OR51T1: variants seen among roughly 807,000 people sequenced by gnomAD.
The protein encoded by OR51T1 is olfactory receptor family 51 subfamily T member 1.
For missense variants in OR51T1, 439 were observed against 398.5 expected, an observed-to-expected ratio of 1.10 and a Z score of -0.87; for synonymous variants, 188 against 152.6, an observed-to-expected ratio of 1.23 and a Z score of -1.71.
Position 4,882,826 on chromosome 11 carries a change from C to T in OR51T1, c.927C>T (p.Leu309=). 3 of 1,613,762 alleles carry T rather than the reference C, an allele frequency of 1.9e-6. No individual in the cohort carries two copies. Among genetic ancestry groups the T allele is most frequent in the Non-Finnish European group, 2.5e-6 (3 of 1,179,858 alleles). ...KTIRQAMFQL[L]QSKGSWGFNV... ...TCCGCCAGGCTATGTTCCAGCTGCT[C>T]CAATCCAAGGGTTCATGGGGTTTTA... Residue 309 remains leucine (L), a synonymous_variant, in exon 1 of 1, where the codon CTC becomes CTT. Transcript: ENST00000322049.
rs762186672 is a variant in OR51T1 at position 4,882,722 on chromosome 11, T to C, written c.823T>C (p.Cys275Arg). The change falls in exon 1 of 1, where the codon TGT becomes CGT. Residue 275 changes from cysteine (C) to arginine (R), a missense_variant. Physicochemically the swap from Cys to Arg is radical, Grantham distance 180. Coordinates refer to ENST00000322049, the MANE Select transcript of OR51T1 (RefSeq NM_001004759.3). ...CTTCCACTCCACCCCAAGGGTGCTC[T>C]GTAGCACTTTGGCCAATATTTATCT... ...RLFHSTPRVL[C>R]STLANIYLLL... 2.2e-5 allele frequency: 36 copies of C among 1,613,864 alleles called. No individual in the cohort carries two copies. The highest frequency in any genetic ancestry group is 5.0e-5 in the Admixed American group (3 of 59,972).
rs1564799854 is a variant in OR51T1 at position 4,882,562 on chromosome 11, C to T, written c.663C>T (p.Val221=). 2 of 1,613,778 alleles carry T rather than the reference C, an allele frequency of 1.2e-6. No homozygotes were observed. Among genetic ancestry groups the T allele is most frequent in the Non-Finnish European group, 1.7e-6 (2 of 1,179,940 alleles). ...TDVLFILFSY[V]LILRTVLGIV... Reference sequence around the variant, plus strand: ...TATTGTTTATTCTTTTCTCCTATGTCCTGATCCTCCGTACTGTTCTGGGCA... The same window carrying T: ...TATTGTTTATTCTTTTCTCCTATGTTCTGATCCTCCGTACTGTTCTGGGCA... Residue 221 remains valine, a synonymous_variant, in exon 1 of 1, where the codon GTC becomes GTT. Coordinates refer to ENST00000322049, the MANE Select transcript of OR51T1 (RefSeq NM_001004759.3).
rs534018343 is a variant in OR51T1 at position 4,882,748 on chromosome 11, G to A, written c.849G>A (p.Leu283=). Residue 283 remains leucine (L), a synonymous_variant, in exon 1 of 1, where the codon CTG becomes CTA. Coordinates refer to ENST00000322049, the MANE Select transcript of OR51T1 (RefSeq NM_001004759.3). ...GTAGCACTTTGGCCAATATTTATCT[G>A]CTCTTACCACCTGTGCTGAACCCTA... ...VLCSTLANIY[L]LLPPVLNPII... The A allele has an allele frequency of 3.7e-6, 6 of 1,613,874 alleles. No individual in the cohort carries two copies. The highest frequency in any genetic ancestry group is 2.2e-5 in the East Asian group (1 of 44,846).
In OR51T1 at chr11:4,882,358, A is replaced by G. The variant is rs1453058007; in HGVS notation, c.459A>G (p.Arg153=). 6.2e-7 allele frequency: 1 copy of G among 1,613,904 alleles called. No homozygotes were observed. Among genetic ancestry groups the G allele is most frequent in the East Asian group, 2.2e-5 (1 of 44,848 alleles). Residue 153 remains arginine (R), a synonymous_variant, in exon 1 of 1, where the codon AGA becomes AGG. Transcript: ENST00000322049. ...TGATAGGGCTGGTCATCTGCATTAG[A>G]CCAGCAGTTTTCTTACTTCCCCTTC... ...VLVIGLVICI[R]PAVFLLPLLV...
chr11:4,882,318 A>T lies in OR51T1; in HGVS notation c.419A>T (p.Asp140Val), dbSNP rs766066905. Residue 140 changes from aspartate to valine, a missense_variant, in exon 1 of 1, where the codon GAC (aspartate) becomes GTC (valine). Coordinates refer to ENST00000322049, the MANE Select transcript of OR51T1 (RefSeq NM_001004759.3). Reference protein sequence around the residue: ...NPLNYATILTDRMVLVIGLVI... With the variant: ...NPLNYATILTVRMVLVIGLVI... ...CTGAACTATGCTACTATCCTCACAG[A>T]CAGGATGGTCCTGGTGATAGGGCTG... 6.2e-7 allele frequency: 1 copy of T among 1,613,892 alleles called. No homozygotes were observed. The highest frequency in any genetic ancestry group is 1.1e-5 in the South Asian group (1 of 91,064).
Position 4,882,546 on chromosome 11 carries a change from T to C in OR51T1, c.647T>C (p.Ile216Thr), listed in dbSNP as rs1421049317. The C allele has an allele frequency of 6.2e-7, 1 of 1,613,966 alleles. No individual in the cohort carries two copies. The highest frequency in any genetic ancestry group is 8.5e-7 in the Non-Finnish European group (1 of 1,179,944). Reference protein sequence around the residue: ...LYLNGTDVLFILFSYVLILRT... With the variant: ...LYLNGTDVLFTLFSYVLILRT... ...CTGAATGGCACTGACGTATTGTTTA[T>C]TCTTTTCTCCTATGTCCTGATCCTC... The change falls in exon 1 of 1, where the codon ATT becomes ACT. Residue 216 changes from isoleucine (I) to threonine (T), a missense_variant. Transcript: ENST00000322049.
Position 4,882,373 on chromosome 11 carries a change from A to C in OR51T1, c.474A>C (p.Leu158Phe), listed in dbSNP as rs1589928387. 6.2e-7 allele frequency: 1 copy of C among 1,613,690 alleles called. No individual in the cohort carries two copies. Among genetic ancestry groups the C allele is most frequent in the South Asian group, 1.1e-5 (1 of 91,058 alleles). Residue 158 changes from leucine to phenylalanine, a missense_variant, in exon 1 of 1, where the codon TTA becomes TTC. Transcript: ENST00000322049. Reference sequence around the variant, plus strand: ...TCTGCATTAGACCAGCAGTTTTCTTACTTCCCCTTCTTGTAGCCATAAACA... The same window carrying C: ...TCTGCATTAGACCAGCAGTTTTCTTCCTTCCCCTTCTTGTAGCCATAAACA... The part of the protein sequence containing the change: ...LVICIRPAVF[L>F]LPLLVAINTV...
rs374594879 is a variant in OR51T1 at position 4,882,860 on chromosome 11, G to T, written c.961G>T (p.Gly321Cys). The T allele has an allele frequency of 6.2e-6, 10 of 1,612,736 alleles. No individual in the cohort carries two copies. In the Admixed American group the frequency reaches 1.5e-4, roughly 24 times the overall value. ...SKGSWGFNVR[G>C]LRGRWD The stretch of plus-strand genomic sequence containing the variant: ...GGGTTCATGGGGTTTTAATGTGAGG[G>T]GTCTTAGGGGAAGATGGGATTGAAG... The change falls in exon 1 of 1, where the codon GGT becomes TGT. Residue 321 changes from glycine (G) to cysteine (C), a missense_variant. Coordinates refer to ENST00000322049, the MANE Select transcript of OR51T1 (RefSeq NM_001004759.3).
In OR51T1 at chr11:4,882,298, C is replaced by T. The variant is rs768616687; in HGVS notation, c.399C>T (p.Asn133=). 6.2e-7 allele frequency: 1 copy of T among 1,614,004 alleles called. No individual in the cohort carries two copies. Residue 133 remains asparagine, a synonymous_variant, in exon 1 of 1, where the codon AAC becomes AAT. Transcript: ENST00000322049. ...TCGTGGCTATCTGTAACCCACTGAA[C>T]TATGCTACTATCCTCACAGACAGGA... The part of the protein sequence containing the change: ...DRFVAICNPL[N]YATILTDRMV...
In OR51T1 at chr11:4,882,417, G is replaced by T; in HGVS notation, c.518G>T (p.Gly173Val). The change falls in exon 1 of 1, where the codon GGT becomes GTT. Residue 173 changes from glycine (G) to valine (V), a missense_variant. Transcript: ENST00000322049. ...ATAAACACTGTGTCTTTTCATGGGG[G>T]TCACGAGCTTTCCCATCCATTTTGC... The part of the protein sequence containing the change: ...VAINTVSFHG[G>V]HELSHPFCYH... The T allele has an allele frequency of 6.2e-7, 1 of 1,613,788 alleles. No individual in the cohort carries two copies. The highest frequency in any genetic ancestry group is 8.5e-7 in the Non-Finnish European group (1 of 1,179,912).
At position 4,882,443 on chromosome 11, in the gene OR51T1, T is replaced by TACCACCCC. The variant is rs564566592; in HGVS notation, c.551_552insCACCACCC (p.Glu185ThrfsTer5). The stretch of plus-strand genomic sequence containing the variant: ...TCACGAGCTTTCCCATCCATTTTGC[T>TACCACCCC]ACCACCCAGAAGTGATCAAATACAC... On this transcript the variant is annotated frameshift_variant, in exon 1 of 1. Coordinates refer to ENST00000322049, the MANE Select transcript of OR51T1 (RefSeq NM_001004759.3). LOFTEE classifies it low-confidence loss of function (END_TRUNC). The TACCACCCC allele has an allele frequency of 8.3e-3, 13,393 of 1,613,878 alleles. 77 individuals are homozygous for TACCACCCC. The highest frequency in any genetic ancestry group is 0.01 in the Non-Finnish European group (12,183 of 1,179,876).
At position 4,882,882 on chromosome 11, in the gene OR51T1, G is replaced by A. The variant is rs769106356; in HGVS notation, c.983G>A (p.Ter328=). The A allele has an allele frequency of 2.0e-5, 32 of 1,608,400 alleles. 1 individual carries two copies. The East Asian group carries it at 7.2e-4, about 36-fold the overall frequency. The change falls in exon 1 of 1, where the codon TGA becomes TAA. Residue 328 remains the stop codon, a stop_retained_variant. Transcript: ENST00000322049. ...AGGGGTCTTAGGGGAAGATGGGATT[G>A]AAGGTAGGAAATTGTCAGGACACGA... The part of the protein sequence containing the change: ...NVRGLRGRWD[*]
In OR51T1 at chr11:4,882,260, G is replaced by A; in HGVS notation, c.361G>A (p.Ala121Thr). The stretch of plus-strand genomic sequence containing the variant: ...GGAGTCCTCGGTGCTGGTAGCCATG[G>A]CCTTTGACCGCTTCGTGGCTATCTG... ...LLESSVLVAM[A>T]FDRFVAICNP... is the part of the protein sequence containing the mutation. Residue 121 changes from alanine to threonine, a missense_variant, in exon 1 of 1, where the codon GCC becomes ACC. Ala to Thr is a moderately conservative substitution (Grantham distance 58). Coordinates refer to ENST00000322049, the MANE Select transcript of OR51T1 (RefSeq NM_001004759.3). 6.2e-7 allele frequency: 1 copy of A among 1,613,858 alleles called. No homozygotes were observed. The highest frequency in any genetic ancestry group is 8.5e-7 in the Non-Finnish European group (1 of 1,179,932).
In OR51T1 at chr11:4,882,715, G is replaced by T. The variant is rs772529902; in HGVS notation, c.816G>T (p.Arg272Ser). 73 of 1,613,702 alleles carry T rather than the reference G, an allele frequency of 4.5e-5. No homozygotes were observed. The highest frequency in any genetic ancestry group is 5.8e-5 in the Non-Finnish European group (69 of 1,179,918). Residue 272 changes from arginine to serine, a missense_variant, in exon 1 of 1, where the codon AGG becomes AGT. Physicochemically the swap from Arg to Ser is moderately radical, Grantham distance 110. Coordinates refer to ENST00000322049, the MANE Select transcript of OR51T1 (RefSeq NM_001004759.3). ...ACCGCCTCTTCCACTCCACCCCAAG[G>T]GTGCTCTGTAGCACTTTGGCCAATA... ...LAHRLFHSTP[R>S]VLCSTLANIY...
rs905649476 is a variant in OR51T1, at chr11:4,882,239, T to G, written c.340T>G (p.Ser114Ala). Reference sequence around the variant, plus strand: ...TGTGCATGCTTTCTCCTTGCTGGAGTCCTCGGTGCTGGTAGCCATGGCCTT... The same window carrying G: ...TGTGCATGCTTTCTCCTTGCTGGAGGCCTCGGTGCTGGTAGCCATGGCCTT... The part of the protein sequence containing the change: ...FFVHAFSLLE[S>A]SVLVAMAFDR... The change falls in exon 1 of 1, where the codon TCC (serine) becomes GCC (alanine). Residue 114 changes from serine (S) to alanine (A), a missense_variant. Physicochemically the swap from Ser to Ala is moderately conservative, Grantham distance 99. Coordinates refer to ENST00000322049, the MANE Select transcript of OR51T1 (RefSeq NM_001004759.3). The G allele has an allele frequency of 6.2e-7, 1 of 1,613,804 alleles. No individual in the cohort carries two copies. Among genetic ancestry groups the G allele is most frequent in the Non-Finnish European group, 8.5e-7 (1 of 1,179,926 alleles).
chr11:4,882,045 T>C lies in OR51T1; in HGVS notation c.146T>C (p.Leu49Pro). The C allele has an allele frequency of 6.2e-7, 1 of 1,613,910 alleles. No individual in the cohort carries two copies. The highest frequency in any genetic ancestry group is 1.1e-5 in the South Asian group (1 of 91,060). The change falls in exon 1 of 1, where the codon CTT (leucine) becomes CCT (proline). Residue 49 changes from leucine to proline, a missense_variant. Leu to Pro is a moderately conservative substitution (Grantham distance 98, BLOSUM62 -3). Transcript: ENST00000322049. ...IALLGNSMIFLVIITKRRLHK... is the reference protein window; with the variant it reads ...IALLGNSMIFPVIITKRRLHK... The stretch of plus-strand genomic sequence containing the variant: ...CTCTTGGGAAACAGTATGATCTTTC[T>C]TGTCATCATTACTAAGCGGAGACTC...
Position 4,882,144 on chromosome 11 carries a change from C to A in OR51T1, c.245C>A (p.Thr82Asn). ...TGTCTGACCATTACGACCCTTCCCA[C>A]TGTGCTTGGTGTTCTCTGGTTTCAT... is the stretch of plus-strand genomic sequence containing the variant. The part of the protein sequence containing the change: ...DLCLTITTLP[T>N]VLGVLWFHAR... The change falls in exon 1 of 1, where the codon ACT (threonine) becomes AAT (asparagine). Residue 82 changes from threonine (T) to asparagine (N), a missense_variant. Thr to Asn is a moderately conservative substitution (Grantham distance 65). Transcript: ENST00000322049. 1 of 1,613,982 alleles carries A rather than the reference C, an allele frequency of 6.2e-7. No homozygotes were observed. Among genetic ancestry groups the A allele is most frequent in the African/African-American group, 1.3e-5 (1 of 75,040 alleles).
rs760733931 is a variant in OR51T1 at position 4,881,959 on chromosome 11, T to C, written c.60T>C (p.Pro20=). 1.2e-6 allele frequency: 2 copies of C among 1,613,892 alleles called. No individual in the cohort carries two copies. The highest frequency in any genetic ancestry group is 2.2e-5 in the South Asian group (2 of 91,064). The change falls in exon 1 of 1, where the codon CCT becomes CCC. Residue 20 remains proline (P), a synonymous_variant. Transcript: ENST00000322049. ...SSSNFLLTAF[P]GLECAHVWIS... is the part of the protein sequence containing the mutation. ...CAAACTTCCTCCTCACTGCATTCCC[T>C]GGGCTGGAATGTGCTCATGTCTGGA... is the stretch of plus-strand genomic sequence containing the variant.
Position 4,882,404 on chromosome 11 carries a change from T to C in OR51T1, c.505T>C (p.Ser169Pro). ...LPLLVAINTV[S>P]FHGGHELSHP... Reference sequence around the variant, plus strand: ...CCTTCTTGTAGCCATAAACACTGTGTCTTTTCATGGGGGTCACGAGCTTTC... The same window carrying C: ...CCTTCTTGTAGCCATAAACACTGTGCCTTTTCATGGGGGTCACGAGCTTTC... The change falls in exon 1 of 1, where the codon TCT becomes CCT. Residue 169 changes from serine (S) to proline (P), a missense_variant. Transcript: ENST00000322049. 1 of 1,613,976 alleles carries C rather than the reference T, an allele frequency of 6.2e-7. No homozygotes were observed. The highest frequency in any genetic ancestry group is 8.5e-7 in the Non-Finnish European group (1 of 1,179,942).
Sources: gnomAD v4.1 joint callset for allele counts on GRCh38, gnomAD v4.1.1 for gene constraint, MANE v1.5 for transcripts, NCBI Gene and HGNC (gene_info 2026-07-23, HGNC 2026-07-21) for gene names.